The following RUVBL1 variants were observed in gnomAD, a reference collection of about 807,000 sequenced individuals.
RUVBL1 encodes the protein RuvB like AAA ATPase 1.
A neutral mutation model predicts 52.4 loss-of-function variants in RUVBL1; 4 were observed. The ratio of observed to expected loss-of-function variants is 0.08; its 90% CI spans 0.04 to 0.17. The LOEUF is 0.17. Among genes scored for constraint, RUVBL1 ranks in the 10% least tolerant of loss-of-function variants. RUVBL1 has a pLI of 1.00. For synonymous variants in RUVBL1, 217 were observed against 214.4 expected, an observed-to-expected ratio of 1.01 and a Z score of -0.10; for missense variants, 298 against 572.8, an observed-to-expected ratio of 0.52 and a Z score of 4.90.
exon 1 of RUVBL1, chr3:128,153,773 C>G (rs200775259): frequency 4.3e-4 from 660 of 1,536,792 alleles, no homozygotes; most frequent in Non-Finnish European, 5.0e-4. Flanking sequence ...CTTCAGGTCA[C>G]GCTGGTCGAC....
At position 128,081,536 on chromosome 3, in the gene RUVBL1, C is replaced by T. The variant is rs1054197373; in HGVS notation, c.1212-127G>A. ...AGTGCTGGGCTTGTGCCAGCTGCTA[C>T]GAACACAGAAAAGGGGAGACAAAGT... On this transcript the variant is annotated intron_variant, in intron 10 of 10. Transcript: ENST00000322623. This position sits in a 1 kb window ranked among gnomAD's most constrained non-coding sequence, Gnocchi z 4.8. The T allele has an allele frequency of 5.2e-6, 5 of 955,852 alleles. No homozygotes were observed. Among genetic ancestry groups the T allele is most frequent in the Admixed American group, 5.8e-5 (2 of 34,590 alleles). The allele number at this position is 955,852 out of a possible 1,614,324, so 59.2% of individuals were successfully genotyped here.
chr3:128,093,348 C>T (rs956306482), intron 8 of RUVBL1, among the ~76,000 whole-genome samples: 8 of 151,902 alleles, frequency 5.3e-5, no homozygotes, highest in Admixed American at 3.3e-4. Context: ...CAGAAGGGGA[C>T]GATGACTATT....
intron 4 of RUVBL1, among the ~76,000 whole-genome samples, chr3:128,104,026 C>T (rs535437741): frequency 2.1e-4 from 32 of 152,330 alleles, no homozygotes; most frequent in African/African-American, 7.5e-4. Flanking sequence ...CCCTGAAAGA[C>T]AGGCAATTAT....
chr3:128,065,697 G>A (rs1941952067), intron 9 of RUVBL1, among the ~76,000 whole-genome samples: 1 of 150,502 alleles, frequency 6.6e-6, no homozygotes, highest in African/African-American at 2.4e-5. Flanking sequence ...ATCTCTTTAG[G>A]GGCTTTGCCA....
chr3:128,141,292 T>C (rs1421396490), intron 1 of RUVBL1, among the ~76,000 whole-genome samples: 2 of 152,178 alleles, frequency 1.3e-5, no homozygotes, highest in Non-Finnish European at 2.9e-5. Context: ...AAGCCTTACC[T>C]CACAAAATGT....
At chr3:128,074,416 T>C (rs1942249848) in intron 9 of RUVBL1, among the ~76,000 whole-genome samples, 1 of 152,092 alleles carries the variant, frequency 6.6e-6, no homozygotes, top group South Asian at 2.1e-4. Flanking sequence ...GCCTCTAGTG[T>C]GTTAGAGATT....
intron 4 of RUVBL1, among the ~76,000 whole-genome samples, chr3:128,103,041 C>T (rs927962745): frequency 1.3e-5 from 2 of 152,118 alleles, no homozygotes; most frequent in Non-Finnish European, 2.9e-5. Context: ...TCAGAAGACT[C>T]CTTCAGACTT....
chr3:128,099,004 T>C (rs1181099408), intron 6 of RUVBL1, 59 bp from the exon 7 acceptor site: 10 of 1,361,940 alleles, frequency 7.3e-6, no homozygotes, highest in South Asian at 7.0e-5. Context: ...AGAAGCCTCA[T>C]CCCCCTGCAT....
intron 3 of RUVBL1, among the ~76,000 whole-genome samples, chr3:128,109,832 T>TTG (rs1479046018): frequency 1.4e-5 from 2 of 144,088 alleles, no homozygotes; most frequent in African/African-American, 5.3e-5. Context: ...TTTTTTTTTT[T>TTG]TTTGAGACAG....
At chr3:128,089,314 G>T (rs1287377912) in intron 8 of RUVBL1, among the ~76,000 whole-genome samples, 2 of 152,226 alleles carry the variant, frequency 1.3e-5, no homozygotes, top group African/African-American at 4.8e-5. Flanking sequence ...GGCACATGGG[G>T]CCAGCCTTCA....
chr3:128,139,887 G>C (rs1028063968), intron 1 of RUVBL1, among the ~76,000 whole-genome samples: 1 of 152,160 alleles, frequency 6.6e-6, no homozygotes, highest in African/African-American at 2.4e-5. Flanking sequence ...GGCTGGGAAG[G>C]GTAGTGGGGA....
rs180977248 is a variant in RUVBL1, at chr3:128,066,862, G to A, written c.940-1642C>T. The A allele has an allele frequency of 1.6e-5, 19 of 1,224,820 alleles. No individual in the cohort carries two copies. In the Admixed American group the frequency reaches 2.5e-4, roughly 16 times the overall value. 75.9% of individuals were successfully genotyped at this position (1,224,820 alleles called of 1,614,324 possible). On this transcript the variant is annotated intron_variant, in intron 9 of 9. Transcript: ENST00000464873. ...CAGCACACAGGATTTCCTCCCTTGT[G>A]GCCCACTGGACAGTCCCCGGCCGGG...
At chr3:128,065,457 TCC>T (rs1242772781) in intron 9 of RUVBL1, among the ~76,000 whole-genome samples, 1 of 152,210 alleles carries the variant, frequency 6.6e-6, no homozygotes, top group Admixed American at 6.5e-5. Context: ...TTAAAAGTAT[TCC>T]ATCTCTTAAA....
chr3:128,089,732 TA>T (rs909929209), intron 8 of RUVBL1, among the ~76,000 whole-genome samples: 5 of 151,500 alleles, frequency 3.3e-5, no homozygotes, highest in Non-Finnish European at 7.4e-5. Context: ...AGGAAATATC[TA>T]TAGTAGGCAA....
At position 128,081,462 on chromosome 3, in the gene RUVBL1, C is replaced by T. The variant is rs927133878; in HGVS notation, c.1212-53G>A. 2 of 1,562,374 alleles carry T rather than the reference C, an allele frequency of 1.3e-6. No individual in the cohort carries two copies. The highest frequency in any genetic ancestry group is 1.9e-4 in the Middle Eastern group (1 of 5,342). On this transcript the variant is annotated intron_variant, in intron 10 of 10. Coordinates refer to ENST00000322623, the MANE Select transcript of RUVBL1 (RefSeq NM_003707.3). The surrounding 1 kb of genome is among the most constrained non-coding windows in gnomAD (Gnocchi z 4.8). The stretch of plus-strand genomic sequence containing the variant: ...GTGAAACTGGGGCCACCGAAGAAAG[C>T]ACCTTCCCCCCACATCAGTAGGCAG...
exon 1 of RUVBL1, chr3:128,153,467 G>A (rs1298183251): frequency 6.9e-7 from 1 of 1,458,806 alleles, no homozygotes; most frequent in Non-Finnish European, 9.0e-7. Context: ...CGAGGGAGGT[G>A]AGGGGCGGGC....
chr3:128,123,561 A>G (rs1454458928), intron 1 of RUVBL1, 23 bp downstream of exon 1: 60 of 1,564,086 alleles, frequency 3.8e-5, no homozygotes, highest in Non-Finnish European at 4.8e-5. Flanking sequence ...GCAGCCCCCA[A>G]CTCCCTGGTC....
At chr3:128,150,791 CTA>C (rs1403185376) in intron 1 of RUVBL1, among the ~76,000 whole-genome samples, 1 of 69,806 alleles carries the variant, frequency 1.4e-5, no homozygotes, top group African/African-American at 5.5e-5. Context: ...TATATATATT[CTA>C]TATATTATAT....
intron 1 of RUVBL1, among the ~76,000 whole-genome samples, chr3:128,123,012 A>G (rs938797676): frequency 2.0e-5 from 3 of 152,180 alleles, no homozygotes; most frequent in Non-Finnish European, 4.4e-5. Flanking sequence ...GCTCTTCTCC[A>G]TAATTCCCAC....
Sources: allele counts gnomAD v4.1 joint callset (sites outside exome capture counted in the v4.1 genomes callset), GRCh38; gene constraint gnomAD v4.1.1; non-coding constraint Gnocchi (gnomAD v3.1); transcripts MANE v1.5; gene names NCBI Gene and HGNC (gene_info 2026-07-23, HGNC 2026-07-21).